The following PCDH15 variants were observed in gnomAD, a reference collection of about 807,000 sequenced individuals.
PCDH15 encodes protocadherin related 15, also known as protocadherin-15.
A neutral mutation model predicts 178.5 loss-of-function variants in PCDH15; 129 were observed. The ratio of observed to expected loss-of-function variants is 0.72; its 90% CI spans 0.63 to 0.84. The LOEUF is 0.84. Ranked by LOEUF, PCDH15 falls within the 40% of genes least tolerant of loss-of-function variation. The probability of loss-of-function intolerance (pLI) is 0.00; values close to 1 mark genes in which losing one functional copy is unlikely to be tolerated. For synonymous variants in PCDH15, 800 were observed against 732.0 expected (o/e 1.09, Z -1.50); for missense variants, 2,230 against 2,099.9 (o/e 1.06, Z -1.21).
At chr10:55,382,026 C>T (rs1457312859) in intron 2 of PCDH15, among the ~76,000 whole-genome samples, 1 of 152,168 alleles carries the variant, frequency 6.6e-6, no homozygotes, top group East Asian at 1.9e-4. Context: ...TATCCAGCTA[C>T]AGCTATAAGT....
intron 2 of PCDH15, among the ~76,000 whole-genome samples, chr10:54,576,280 A>G (rs1199730064): frequency 6.6e-6 from 1 of 152,214 alleles, no homozygotes; most frequent in African/African-American, 2.4e-5. Flanking sequence ...TTCTATAAAA[A>G]TTAGCATTGG....
At chr10:55,335,049 A>G (rs928262991) in intron 2 of PCDH15, among the ~76,000 whole-genome samples, 10 of 152,220 alleles carry the variant, frequency 6.6e-5, no homozygotes, top group Admixed American at 4.6e-4. Flanking sequence ...GTGGATTGCA[A>G]TCTGCTATGG....
intron 30 of PCDH15, among the ~76,000 whole-genome samples, chr10:53,830,988 C>A (rs2076982399): frequency 6.6e-6 from 1 of 151,998 alleles, no homozygotes; most frequent in Non-Finnish European, 1.5e-5. Flanking sequence ...TTGCTTTTAC[C>A]CCAGGATACC....
chr10:54,195,060 C>A (rs2049467572), intron 11 of PCDH15, among the ~76,000 whole-genome samples: 1 of 152,130 alleles, frequency 6.6e-6, no homozygotes, highest in Non-Finnish European at 1.5e-5. Flanking sequence ...TTCTGGCTAG[C>A]CTGGTATAGA....
At chr10:55,333,434 T>G (rs1844267515) in intron 2 of PCDH15, among the ~76,000 whole-genome samples, 1 of 152,078 alleles carries the variant, frequency 6.6e-6, no homozygotes, top group South Asian at 2.1e-4. Flanking sequence ...GAGGATGTAT[T>G]TTAAATGGCA....
intron 1 of PCDH15, among the ~76,000 whole-genome samples, chr10:54,730,118 A>G (rs568407601): frequency 3.3e-5 from 5 of 151,756 alleles, no homozygotes; most frequent in Non-Finnish European, 5.9e-5. Flanking sequence ...CTGCAGCACT[A>G]CTTATAGTAA....
At chr10:55,313,719 G>T (rs375699805) in intron 1 of PCDH15, among the ~76,000 whole-genome samples, 21 of 152,126 alleles carry the variant, frequency 1.4e-4, no homozygotes, top group African/African-American at 4.3e-4. Flanking sequence ...AATGCTATAT[G>T]CCAGACTTCT....
chr10:54,029,447 C>G (rs983941272), intron 18 of PCDH15, among the ~76,000 whole-genome samples: 1 of 152,100 alleles, frequency 6.6e-6, no homozygotes. Flanking sequence ...TTGTAATATA[C>G]ACCTTACTAT....
chr10:55,174,761 T>C (rs573522720), intron 1 of PCDH15, among the ~76,000 whole-genome samples: 24 of 152,142 alleles, frequency 1.6e-4, no homozygotes, highest in Admixed American at 7.2e-4. Context: ...ACTTGTCCCA[T>C]CCTAGAAATC....
rs984317994 is a variant in PCDH15 at position 54,368,991 on chromosome 10, T to A, written c.474+129A>T. 7.7e-6 allele frequency: 8 copies of A among 1,034,662 alleles called. No homozygotes were observed. The East Asian group carries it at 1.8e-4, about 24-fold the overall frequency. The allele number at this position is 1,034,662 out of a possible 1,614,324, so 64.1% of individuals were successfully genotyped here. On this transcript the variant is annotated intron_variant, in intron 5 of 37. Coordinates refer to ENST00000644397, the MANE Select transcript of PCDH15 (RefSeq NM_001384140.1). ...ATACTTCTTCTGAGTACTATTTTTTTAATGTTTTCTTGATATTTCTAAACA... is the reference window on the plus strand; with the variant it reads ...ATACTTCTTCTGAGTACTATTTTTTAAATGTTTTCTTGATATTTCTAAACA...
intron 2 of PCDH15, among the ~76,000 whole-genome samples, chr10:55,337,964 G>GA (rs796479836): frequency 6.6e-6 from 1 of 151,666 alleles, no homozygotes; most frequent in Admixed American, 6.6e-5. Flanking sequence ...AATTCAATAG[G>GA]AAAAAAATAG....
chr10:54,501,045 A>G (rs895132917), intron 3 of PCDH15, among the ~76,000 whole-genome samples: 1 of 152,070 alleles, frequency 6.6e-6, no homozygotes, highest in African/African-American at 2.4e-5. Context: ...CGATGAGAAT[A>G]CATGGACACA....
intron 1 of PCDH15, among the ~76,000 whole-genome samples, chr10:55,196,067 T>A (rs549889226): frequency 1.3e-5 from 2 of 152,286 alleles, no homozygotes; most frequent in African/African-American, 4.8e-5. Flanking sequence ...TCTCCTTCCT[T>A]ACTGTTCTTA....
At chr10:54,681,463 G>A (rs1042810132) in intron 1 of PCDH15, among the ~76,000 whole-genome samples, 1 of 147,092 alleles carries the variant, frequency 6.8e-6, no homozygotes, top group Admixed American at 6.8e-5. Context: ...ATAAGAAGGA[G>A]TGAGAGGGAA....
intron 3 of PCDH15, among the ~76,000 whole-genome samples, chr10:54,520,970 A>C (rs557445990): frequency 3.5e-4 from 52 of 150,584 alleles, no homozygotes; most frequent in Middle Eastern, 3.4e-3. Context: ...GGACAAAAAA[A>C]CAAACACCGC....
chr10:54,503,463 A>C (rs1216165337), intron 3 of PCDH15, among the ~76,000 whole-genome samples: 1 of 151,338 alleles, frequency 6.6e-6, no homozygotes, highest in Non-Finnish European at 1.5e-5. Flanking sequence ...CCAAGTGAAC[A>C]TAAGTGGGAT....
At chr10:55,261,900 A>T (rs962890145) in intron 1 of PCDH15, among the ~76,000 whole-genome samples, 2 of 152,076 alleles carry the variant, frequency 1.3e-5, no homozygotes, top group Admixed American at 6.6e-5. Flanking sequence ...ACAACGAAGG[A>T]AAACTTGGTC....
At chr10:55,106,377 T>G (rs971224705) in intron 2 of PCDH15, among the ~76,000 whole-genome samples, 5 of 152,166 alleles carry the variant, frequency 3.3e-5, no homozygotes, top group African/African-American at 1.2e-4. Flanking sequence ...TAAGAAGATA[T>G]GAAACAAACA....
intron 21 of PCDH15, among the ~76,000 whole-genome samples, chr10:53,965,691 G>A (rs2088938692): frequency 6.6e-6 from 1 of 152,148 alleles, no homozygotes; most frequent in South Asian, 2.1e-4. Flanking sequence ...GGTCAATGAT[G>A]AAAGAGGATA....
Sources: gnomAD v4.1 joint callset for allele counts (sites outside exome capture counted in the v4.1 genomes callset) on GRCh38, gnomAD v4.1.1 for gene constraint, MANE v1.5 for transcripts, NCBI Gene and HGNC (gene_info 2026-07-23, HGNC 2026-07-21) for gene names.